SHANK2: variants seen among roughly 807,000 people sequenced by gnomAD.
SHANK2 encodes the protein SH3 and multiple ankyrin repeat domains protein 2.
Under a neutral mutation model 133.7 loss-of-function variants are expected in SHANK2, and 43 were observed. That is an observed-to-expected ratio of 0.32 (90% CI 0.25 to 0.41). The LOEUF (loss-of-function observed/expected upper bound fraction) is 0.41, where lower values mean the gene tolerates loss of function less well. Ranked by LOEUF, SHANK2 falls within the 10% of genes least tolerant of loss-of-function variation. The pLI is 1.00. For synonymous variants in SHANK2, 1,017 were observed against 952.8 expected, an observed-to-expected ratio of 1.07 and a Z score of -1.24; for missense variants, 1,994 against 2,235.8, an observed-to-expected ratio of 0.89 and a Z score of 2.18.
rs541018399 is a variant in SHANK2, at chr11:70,717,971, C to T, written c.1778-19208G>A. 4.6e-5 allele frequency among the ~76,000 whole-genome samples: 7 copies of T among 152,280 alleles called. No homozygotes were observed. In the South Asian group the frequency reaches 8.3e-4, roughly 18 times the overall value. ...TGAACATCCAAATCAGCTGAAAATTCGCTTCTTTGACACAAGTTGTAAGCC... is the reference window on the plus strand; with the variant it reads ...TGAACATCCAAATCAGCTGAAAATTTGCTTCTTTGACACAAGTTGTAAGCC... On this transcript the variant is annotated intron_variant, in intron 14 of 25. Coordinates refer to ENST00000601538, the MANE Select transcript of SHANK2 (RefSeq NM_012309.5).
At chr11:70,736,564 G>A (rs1565279904) in intron 14 of SHANK2, among the ~76,000 whole-genome samples, 2 of 152,196 alleles carry the variant, frequency 1.3e-5, no homozygotes, top group Non-Finnish European at 2.9e-5. Context: ...AATGCCTGGA[G>A]CCACCAGGAG....
chr11:70,551,293 C>T (rs941753186), intron 17 of SHANK2, among the ~76,000 whole-genome samples: 5 of 152,154 alleles, frequency 3.3e-5, no homozygotes, highest in Non-Finnish European at 5.9e-5. Flanking sequence ...GGAGCCTCTG[C>T]TCTGTGCCCT....
chr11:70,843,708 G>C (rs1270087116), intron 11 of SHANK2, among the ~76,000 whole-genome samples: 1 of 151,934 alleles, frequency 6.6e-6, no homozygotes, highest in African/African-American at 2.4e-5. Flanking sequence ...TGAGAACATA[G>C]AGGCCTGCTG....
chr11:70,602,917 A>T (rs1166135804), intron 17 of SHANK2, among the ~76,000 whole-genome samples: 1 of 152,248 alleles, frequency 6.6e-6, no homozygotes, highest in African/African-American at 2.4e-5. Flanking sequence ...AGTCCTACAC[A>T]GGTGGGAAAA....
At chr11:70,516,001 T>C (rs182950243) in intron 17 of SHANK2, among the ~76,000 whole-genome samples, 183 of 152,330 alleles carry the variant, frequency 1.2e-3, no homozygotes, top group African/African-American at 4.2e-3. Flanking sequence ...TGTGTTTGTT[T>C]TGGGCCGTAT....
At chr11:70,649,279 C>T (rs188165372) in intron 17 of SHANK2, among the ~76,000 whole-genome samples, 33 of 152,256 alleles carry the variant, frequency 2.2e-4, no homozygotes, top group African/African-American at 6.7e-4. Flanking sequence ...AAAGTCTGCT[C>T]CATGGGACCC....
At chr11:70,522,268 G>A (rs564980718) in intron 17 of SHANK2, among the ~76,000 whole-genome samples, 2 of 152,326 alleles carry the variant, frequency 1.3e-5, no homozygotes, top group Admixed American at 1.3e-4. Flanking sequence ...ATCCTGCTGC[G>A]TGCATGGCTG....
chr11:71,202,894 T>C (rs1429805979), intron 2 of SHANK2, among the ~76,000 whole-genome samples: 1 of 152,220 alleles, frequency 6.6e-6, no homozygotes, highest in Non-Finnish European at 1.5e-5. Context: ...GGAAACTGCC[T>C]TGGAAAAAAC....
chr11:71,135,591 A>G (rs1257156595), intron 3 of SHANK2, among the ~76,000 whole-genome samples: 1 of 150,816 alleles, frequency 6.6e-6, no homozygotes, highest in Admixed American at 6.6e-5. Context: ...GGTTCAAGCA[A>G]TTCTCGTGCC....
At chr11:70,568,509 G>A (rs1391883948) in intron 17 of SHANK2, among the ~76,000 whole-genome samples, 1 of 152,156 alleles carries the variant, frequency 6.6e-6, no homozygotes, top group Non-Finnish European at 1.5e-5. Flanking sequence ...CCGTGAAGCT[G>A]GGGAACTTAT....
intron 6 of SHANK2, among the ~76,000 whole-genome samples, chr11:71,108,944 C>CA (rs1230620021): frequency 1.5e-4 from 23 of 152,218 alleles, no homozygotes; most frequent in African/African-American, 5.3e-4. Context: ...CGGGCCCCCC[C>CA]CCAGCGTTCA....
At chr11:70,936,196 G>A (rs1449959725) in intron 10 of SHANK2, among the ~76,000 whole-genome samples, 8 of 152,188 alleles carry the variant, frequency 5.3e-5, no homozygotes, top group Admixed American at 2.6e-4. Flanking sequence ...AAACCAATGC[G>A]AGAGTTTTCA....
chr11:70,929,889 G>GA (rs1348686505), intron 10 of SHANK2, among the ~76,000 whole-genome samples: 1 of 152,188 alleles, frequency 6.6e-6, no homozygotes, highest in African/African-American at 2.4e-5. Context: ...AAGTGCCACA[G>GA]ACCGTCACTG....
rs1342591331 is a variant in SHANK2, at chr11:70,569,811, G to A, written c.2062-66880C>T. On this transcript the variant is annotated intron_variant, in intron 17 of 25. Coordinates refer to ENST00000601538, the MANE Select transcript of SHANK2 (RefSeq NM_012309.5). The surrounding 1 kb of genome is among the most constrained non-coding windows in gnomAD (Gnocchi z 5.1). ...GCTGGCAGATGTGTGAGCACGGAGG[G>A]GGTTCCTCAGCCCGGGAAAAGGCTG... is the stretch of plus-strand genomic sequence containing the variant. 6.6e-6 allele frequency among the ~76,000 whole-genome samples: 1 copy of A among 152,086 alleles called. No homozygotes were observed. The highest frequency in any genetic ancestry group is 1.5e-5 in the Non-Finnish European group (1 of 68,014).
At chr11:70,563,913 C>G (rs114150554) in intron 17 of SHANK2, among the ~76,000 whole-genome samples, 1 of 152,098 alleles carries the variant, frequency 6.6e-6, no homozygotes, top group African/African-American at 2.4e-5. Context: ...GTTGAAATAA[C>G]TCTGTTGAAT....
chr11:70,490,107 A>G, intron 23 of SHANK2, 169 bp downstream of exon 23: 1 of 626,384 alleles, frequency 1.6e-6, no homozygotes, highest in Non-Finnish European at 2.9e-6. Context: ...ATGGCTCCCT[A>G]GTGGGCAAGG....
At chr11:70,863,836 G>T in intron 11 of SHANK2, 2 of 457,796 alleles carry the variant, frequency 4.4e-6, no homozygotes, top group South Asian at 3.1e-5. Flanking sequence ...GGAAGAAACC[G>T]AGTGAGGATG....
Position 71,085,699 on chromosome 11 carries a change from T to TTATGTTA in SHANK2, c.912+6722_912+6723insTAACATA, listed in dbSNP as rs1951381548. Among the ~76,000 whole-genome samples, 8 of 48,984 alleles carry TTATGTTA rather than the reference T, an allele frequency of 1.6e-4. No individual in the cohort carries two copies. The South Asian group carries it at 5.8e-3, about 36-fold the overall frequency. The allele number at this position is 48,984 out of a possible 152,430, so 32.1% of individuals were successfully genotyped here. On this transcript the variant is annotated intron_variant, in intron 8 of 25. Transcript: ENST00000601538. ...TATATATAATATAATATATAACATA[T>TTATGTTA]TATATGTTATATATATTATATTATA...
chr11:71,183,197 C>A (rs1953595094), intron 2 of SHANK2, among the ~76,000 whole-genome samples: 1 of 152,136 alleles, frequency 6.6e-6, no homozygotes, highest in South Asian at 2.1e-4. Flanking sequence ...GATATGAGAA[C>A]CCTCCCTGGA....
Sources: gnomAD v4.1 joint callset for allele counts (sites outside exome capture counted in the v4.1 genomes callset) on GRCh38, gnomAD v4.1.1 for gene constraint, Gnocchi (gnomAD v3.1) non-coding constraint, MANE v1.5 for transcripts, NCBI Gene and HGNC (gene_info 2026-07-23, HGNC 2026-07-21) for gene names.